PCSK6: variants seen among roughly 807,000 people sequenced by gnomAD.
The protein encoded by PCSK6 is proprotein convertase subtilisin/kexin type 6, also known as paired basic amino acid cleaving enzyme 4.
In PCSK6, 85 loss-of-function variants were observed where a neutral mutation model predicts 123.3. The ratio of observed to expected loss-of-function variants is 0.69; its 90% CI spans 0.58 to 0.83. PCSK6 has a LOEUF of 0.83. PCSK6 is among the 40% of genes least tolerant of loss of function. PCSK6 has a pLI of 0.00. For synonymous variants in PCSK6, 508 were observed against 516.0 expected, an observed-to-expected ratio of 0.98 and a Z score of 0.21; for missense variants, 1,191 against 1,282.3, an observed-to-expected ratio of 0.93 and a Z score of 1.09.
At chr15:101,415,169 T>C (rs967564686) in intron 6 of PCSK6, among the ~76,000 whole-genome samples, 2 of 152,220 alleles carry the variant, frequency 1.3e-5, no homozygotes, top group African/African-American at 2.4e-5. Context: ...GAAACCAGCA[T>C]TCCTTCTCAG....
intron 13 of PCSK6, among the ~76,000 whole-genome samples, chr15:101,357,949 C>T (rs1457241867): frequency 2.6e-5 from 4 of 152,218 alleles, no homozygotes; most frequent in East Asian, 1.9e-4. Context: ...TTCCTTATGT[C>T]GGCCTGGCCA....
intron 6 of PCSK6, among the ~76,000 whole-genome samples, chr15:101,407,132 T>C (rs2042804541): frequency 6.6e-6 from 1 of 151,828 alleles, no homozygotes. Context: ...CCTGGCAAGA[T>C]ACAGAGCAGC....
chr15:101,427,580 C>T lies in PCSK6; in HGVS notation c.823+312G>A, dbSNP rs143258471. Among the ~76,000 whole-genome samples, 1,328 of 152,278 alleles carry T rather than the reference C, an allele frequency of 8.7e-3. 22 individuals carry two copies. The highest frequency in any genetic ancestry group is 0.03 in the African/African-American group (1,242 of 41,538). Reference sequence around the variant, plus strand: ...CGGAGCCACTGAGGGCTATGGGCAGCGGGGAATCAACGCAGACTTCTAGGA... The same window carrying T: ...CGGAGCCACTGAGGGCTATGGGCAGTGGGGAATCAACGCAGACTTCTAGGA... On this transcript the variant is annotated intron_variant, in intron 6 of 21. Transcript: ENST00000611716.
rs1270782477 is a variant in PCSK6 at position 101,305,285 on chromosome 15, G to A, written c.2883C>T (p.Cys961=). 1 of 1,612,300 alleles carries A rather than the reference G, an allele frequency of 6.2e-7. No homozygotes were observed. Among genetic ancestry groups the A allele is most frequent in the Non-Finnish European group, 8.5e-7 (1 of 1,179,724 alleles). ...LCERKLFIQF[C]CRTCLLAG is the part of the protein sequence containing the mutation. Reference sequence around the variant, plus strand: ...ACCCGGCCAGGAGGCACGTGCGGCAGCAGAACTGAATGAAGAGCTTCCGTT... The same window carrying A: ...ACCCGGCCAGGAGGCACGTGCGGCAACAGAACTGAATGAAGAGCTTCCGTT... The change falls in exon 22 of 22, where the codon TGC becomes TGT. Residue 961 remains cysteine, a synonymous_variant. Coordinates refer to ENST00000611716, the MANE Select transcript of PCSK6 (RefSeq NM_002570.5). This position sits in a 1 kb window ranked among gnomAD's most constrained non-coding sequence, Gnocchi z 4.8.
intron 13 of PCSK6, chr15:101,347,509 G>C: frequency 3.0e-6 from 4 of 1,346,046 alleles, no homozygotes; most frequent in Non-Finnish European, 3.8e-6. Flanking sequence ...AGACAGAACT[G>C]GTTAAAATTA....
intron 1 of PCSK6, among the ~76,000 whole-genome samples, chr15:101,478,316 C>T (rs906476818): frequency 2.0e-5 from 3 of 152,044 alleles, no homozygotes; most frequent in African/African-American, 4.8e-5. Flanking sequence ...GAGTGGCTGG[C>T]GGCAGTCATG....
intron 13 of PCSK6, among the ~76,000 whole-genome samples, chr15:101,349,994 C>T (rs1276917924): frequency 6.6e-6 from 1 of 152,016 alleles, no homozygotes. Context: ...CTGCAACCTC[C>T]ACCTCCCTGG....
intron 15 of PCSK6, 35 bp from the exon 16 acceptor site, chr15:101,326,514 G>C (rs367563178): frequency 6.5e-7 from 1 of 1,533,316 alleles, no homozygotes; most frequent in Non-Finnish European, 8.9e-7. Flanking sequence ...CATCCAGAGA[G>C]ACGCCTTCTC....
At position 101,431,382 on chromosome 15, in the gene PCSK6, C is replaced by A. The variant is rs774483933; in HGVS notation, c.595G>T (p.Val199Leu). Residue 199 changes from valine (V) to leucine (L), a missense_variant, in exon 4 of 22, where the codon GTG (valine) becomes TTG (leucine). Physicochemically the swap from Val to Leu is conservative, Grantham distance 32 (BLOSUM62 1). Transcript: ENST00000611716. Reference protein sequence around the residue: ...AWKRGYTGKNVVVTILDDGIE... With the variant: ...AWKRGYTGKNLVVTILDDGIE... ...CCATCATCAAGGATGGTGACCACCA[C>A]GTTTTTTCCTGTGTAGCCCCTCTTC... 1 of 1,613,870 alleles carries A rather than the reference C, an allele frequency of 6.2e-7. No individual in the cohort carries two copies.
intron 1 of PCSK6, among the ~76,000 whole-genome samples, chr15:101,448,281 C>T (rs573938906): frequency 6.6e-6 from 1 of 152,180 alleles, no homozygotes; most frequent in Non-Finnish European, 1.5e-5. Flanking sequence ...ACAAACCTTG[C>T]TAAATGTTCT....
chr15:101,438,689 C>A (rs551965206), intron 2 of PCSK6, among the ~76,000 whole-genome samples: 1 of 152,224 alleles, frequency 6.6e-6, no homozygotes, highest in South Asian at 2.1e-4. Context: ...CCAGGAACCA[C>A]CTGCAGCTCC....
chr15:101,335,616 C>T (rs545129972), intron 13 of PCSK6, among the ~76,000 whole-genome samples: 1 of 152,304 alleles, frequency 6.6e-6, no homozygotes, highest in East Asian at 1.9e-4. Context: ...CTTTCTGCAC[C>T]TTGAGTTTTC....
intron 1 of PCSK6, among the ~76,000 whole-genome samples, 154 bp from the exon 2 acceptor site, chr15:101,443,814 T>C (rs2056819360): frequency 6.6e-6 from 1 of 152,204 alleles, no homozygotes; most frequent in East Asian, 1.9e-4. Context: ...CTCTGGCATG[T>C]GTGCAGTGTT....
intron 1 of PCSK6, among the ~76,000 whole-genome samples, chr15:101,456,377 C>T (rs143751203): frequency 1.5e-3 from 221 of 152,340 alleles, no homozygotes; most frequent in Non-Finnish European, 2.8e-3. Flanking sequence ...TCCAACCGTT[C>T]CTTCCTCTTC....
At chr15:101,358,724 A>T (rs1475415555) in intron 13 of PCSK6, among the ~76,000 whole-genome samples, 1 of 152,234 alleles carries the variant, frequency 6.6e-6, no homozygotes, top group Non-Finnish European at 1.5e-5. Context: ...CCTCAAAAGC[A>T]CTGGGCCCAT....
At chr15:101,318,594 G>A (rs2141348139) in intron 18 of PCSK6, among the ~76,000 whole-genome samples, 172 bp from the exon 19 acceptor site, 1 of 152,366 alleles carries the variant, frequency 6.6e-6, no homozygotes, top group East Asian at 1.9e-4. Flanking sequence ...TCCGCTGGGG[G>A]CCCAGCAGGA....
At chr15:101,332,472 C>T (rs183192496) in intron 13 of PCSK6, among the ~76,000 whole-genome samples, 1 of 152,280 alleles carries the variant, frequency 6.6e-6, no homozygotes, top group Admixed American at 6.5e-5. Context: ...CCTACAGCAT[C>T]CAAGTGTGAT....
chr15:101,409,534 G>C (rs915940192), intron 6 of PCSK6, among the ~76,000 whole-genome samples: 1 of 147,836 alleles, frequency 6.8e-6, no homozygotes, highest in African/African-American at 2.6e-5. Flanking sequence ...GCAGTGAGCC[G>C]AGATCGTGCC....
intron 19 of PCSK6, among the ~76,000 whole-genome samples, chr15:101,316,030 G>A (rs1043675694): frequency 2.6e-5 from 4 of 152,358 alleles, no homozygotes; most frequent in East Asian, 1.9e-4. Context: ...CAGGCCCCTG[G>A]GTGGGTGGTG....
Sources: gnomAD v4.1 joint callset for allele counts (sites outside exome capture counted in the v4.1 genomes callset) on GRCh38, gnomAD v4.1.1 for gene constraint, Gnocchi (gnomAD v3.1) non-coding constraint, MANE v1.5 for transcripts, NCBI Gene and HGNC (gene_info 2026-07-23, HGNC 2026-07-21) for gene names.